Variants in HMBOX1 observed in about 807,000 individuals in gnomAD.
HMBOX1 encodes the protein homeobox containing 1.
Under a neutral mutation model 54.5 loss-of-function variants are expected in HMBOX1, and 14 were observed. The ratio of observed to expected loss-of-function variants is 0.26; its 90% CI spans 0.17 to 0.40. The LOEUF (loss-of-function observed/expected upper bound fraction) is 0.40. Ranked by LOEUF, HMBOX1 falls within the 10% of genes least tolerant of loss-of-function variation. The pLI, the probability that HMBOX1 is intolerant of heterozygous loss-of-function variation, is 1.00. For missense variants in HMBOX1, 332 were observed against 514.4 expected, an observed-to-expected ratio of 0.65 and a Z score of 3.43; for synonymous variants, 160 against 181.0, an observed-to-expected ratio of 0.88 and a Z score of 0.93.
intron 9 of HMBOX1, chr8:29,049,310 T>TGGG: frequency 6.5e-7 from 1 of 1,535,734 alleles, no homozygotes; most frequent in Non-Finnish European, 8.7e-7. Context: ...AAGTACGCAA[T>TGGG]GGGGAGGAGG....
In HMBOX1 at chr8:29,036,490, G is replaced by C. The variant is rs554222241; in HGVS notation, c.852-8871G>C. 2.7e-4 allele frequency among the ~76,000 whole-genome samples: 41 copies of C among 152,126 alleles called. No homozygotes were observed. The South Asian group carries it at 5.0e-3, about 18-fold the overall frequency. ...GTTTATTTAATTCTCCTCTACTCAG[G>C]AAAAAAGGAAGGTCAGTGTTATGGT... is the stretch of plus-strand genomic sequence containing the variant. On this transcript the variant is annotated intron_variant, in intron 6 of 9. Transcript: ENST00000287701.
At chr8:28,927,721 A>G (rs530137413) in intron 1 of HMBOX1, among the ~76,000 whole-genome samples, 1 of 151,154 alleles carries the variant, frequency 6.6e-6, no homozygotes, top group East Asian at 2.0e-4. Flanking sequence ...ATATGTACCC[A>G]CTGGAACAAC....
chr8:29,015,380 A>T (rs1164418511), intron 5 of HMBOX1, among the ~76,000 whole-genome samples: 2 of 152,168 alleles, frequency 1.3e-5, no homozygotes, highest in Non-Finnish European at 2.9e-5. Context: ...CAGCCCCTGG[A>T]CAAGAGGTTG....
chr8:28,923,744 C>A (rs1217279433), intron 1 of HMBOX1, among the ~76,000 whole-genome samples: 3 of 152,050 alleles, frequency 2.0e-5, no homozygotes, highest in Non-Finnish European at 2.9e-5. Context: ...AAGGGTACCA[C>A]TTTTTCACGT....
intron 3 of HMBOX1, 60 bp from the exon 4 acceptor site, chr8:28,980,011 C>A: frequency 7.9e-7 from 1 of 1,271,374 alleles, no homozygotes; most frequent in Non-Finnish European, 1.2e-6. Flanking sequence ...TTTCTTTTAG[C>A]AAAGATGAGG....
chr8:29,014,004 C>T (rs907398685), intron 5 of HMBOX1, among the ~76,000 whole-genome samples: 3 of 152,066 alleles, frequency 2.0e-5, no homozygotes, highest in East Asian at 1.9e-4. Context: ...CTCAGGGAAA[C>T]GTGTGTGACA....
chr8:29,044,216 A>G lies in HMBOX1; in HGVS notation c.852-1145A>G, dbSNP rs143020278. On this transcript the variant is annotated intron_variant, in intron 6 of 9. Coordinates refer to ENST00000287701, the MANE Select transcript of HMBOX1 (RefSeq NM_001135726.3). ...TCACAATAGGATGGCATTTCCACCA[A>G]TGCAGACAGGAGTGCTGAAGGCATA... Among the ~76,000 whole-genome samples, 505 of 152,318 alleles carry G rather than the reference A, an allele frequency of 3.3e-3. 1 individual carries two copies. Among genetic ancestry groups the G allele is most frequent in the African/African-American group, 0.011 (451 of 41,582 alleles).
At chr8:28,918,304 A>G (rs1159960319) in intron 1 of HMBOX1, among the ~76,000 whole-genome samples, 1 of 152,134 alleles carries the variant, frequency 6.6e-6, no homozygotes, top group Admixed American at 6.5e-5. Context: ...CCCAGGTTCA[A>G]GAGATTCTCC....
chr8:28,894,894 A>G (rs1255263815), intron 1 of HMBOX1, among the ~76,000 whole-genome samples: 4 of 151,994 alleles, frequency 2.6e-5, no homozygotes, highest in African/African-American at 9.7e-5. Flanking sequence ...TGTAATCTTA[A>G]TGCAATATTT....
chr8:28,930,280 C>A (rs914744454), intron 1 of HMBOX1, among the ~76,000 whole-genome samples: 1 of 152,098 alleles, frequency 6.6e-6, no homozygotes, highest in African/African-American at 2.4e-5. Flanking sequence ...TATCTCCTTC[C>A]CCAGTTATCA....
chr8:28,939,237 C>T (rs983329129), intron 1 of HMBOX1, among the ~76,000 whole-genome samples: 8 of 150,228 alleles, frequency 5.3e-5, no homozygotes, highest in Non-Finnish European at 1.2e-4. Context: ...TGCGGTGAGC[C>T]GAGATTGCAC....
In HMBOX1 at chr8:28,970,588, C is replaced by A. The variant is rs1563494866; in HGVS notation, c.500+69C>A. The A allele has an allele frequency of 4.1e-6, 4 of 984,834 alleles. No individual in the cohort carries two copies. Among genetic ancestry groups the A allele is most frequent in the Non-Finnish European group, 6.0e-6 (4 of 663,328 alleles). 61.0% of individuals were successfully genotyped at this position (984,834 alleles called of 1,614,324 possible). On this transcript the variant is annotated intron_variant, in intron 3 of 9. Transcript: ENST00000287701. This position sits in a 1 kb window ranked among gnomAD's most constrained non-coding sequence, Gnocchi z 4.3. The stretch of plus-strand genomic sequence containing the variant: ...TCTTAGATTGTTTTTAAGTAGTATG[C>A]TGCGTTTCAGCTACTTAGCTATAAG...
At chr8:29,009,707 C>A in intron 5 of HMBOX1, 1 of 1,287,296 alleles carries the variant, frequency 7.8e-7, no homozygotes, top group Non-Finnish European at 1.0e-6. Flanking sequence ...TGATGACTCC[C>A]AGGAGCAGCA....
At position 29,037,415 on chromosome 8, in the gene HMBOX1, A is replaced by G. The variant is rs796421005; in HGVS notation, c.852-7946A>G. Among the ~76,000 whole-genome samples, 35 of 152,318 alleles carry G rather than the reference A, an allele frequency of 2.3e-4. 1 individual carries two copies. Among genetic ancestry groups the G allele is most frequent in the African/African-American group, 7.9e-4 (33 of 41,574 alleles). The stretch of plus-strand genomic sequence containing the variant: ...AGACAGCAAACTTTATTTTCAAATA[A>G]TGCTTTTCCAAATTATAAAATTAGC... On this transcript the variant is annotated intron_variant, in intron 6 of 9. Transcript: ENST00000287701.
At chr8:28,994,266 C>G (rs560781780) in intron 4 of HMBOX1, among the ~76,000 whole-genome samples, 1 of 151,476 alleles carries the variant, frequency 6.6e-6, no homozygotes, top group Non-Finnish European at 1.5e-5. Context: ...GTAAGTAAAA[C>G]AGAGTCATTT....
At chr8:28,925,564 A>C (rs1475480385) in intron 1 of HMBOX1, among the ~76,000 whole-genome samples, 2 of 152,172 alleles carry the variant, frequency 1.3e-5, no homozygotes, top group African/African-American at 4.8e-5. Context: ...TGTTGTTTTT[A>C]GTAAAGCACT....
chr8:28,993,351 TTATC>T (rs1035051195), intron 4 of HMBOX1, among the ~76,000 whole-genome samples: 7 of 152,130 alleles, frequency 4.6e-5, no homozygotes, highest in South Asian at 2.1e-4. Context: ...ACTGTGTAAT[TTATC>T]TAGGAATTTA....
At position 29,051,786 on chromosome 8, in the gene HMBOX1, A is replaced by G; in HGVS notation, c.*631A>G. The G allele has an allele frequency of 1.8e-6, 1 of 561,532 alleles. No homozygotes were observed. 34.8% of individuals were successfully genotyped at this position (561,532 alleles called of 1,614,324 possible). A position where few individuals can be genotyped will look rare whatever the true frequency, so the allele number is the denominator to read the frequency against. Reference sequence around the variant, plus strand: ...ATCTCAGATTTTGTTTGAAGTTAACATGCCTGACACAGACATCCTTTCCTC... The same window carrying G: ...ATCTCAGATTTTGTTTGAAGTTAACGTGCCTGACACAGACATCCTTTCCTC... On this transcript the variant is annotated 3_prime_UTR_variant, in exon 10 of 10. Transcript: ENST00000287701.
intron 6 of HMBOX1, among the ~76,000 whole-genome samples, chr8:29,022,520 A>T (rs745892421): frequency 6.6e-6 from 1 of 152,194 alleles, no homozygotes; most frequent in African/African-American, 2.4e-5. Flanking sequence ...CTAAATGTCT[A>T]TTTGTAGTAA....
Sources: allele counts gnomAD v4.1 joint callset (sites outside exome capture counted in the v4.1 genomes callset), GRCh38; gene constraint gnomAD v4.1.1; non-coding constraint Gnocchi (gnomAD v3.1); transcripts MANE v1.5; gene names NCBI Gene and HGNC (gene_info 2026-07-23, HGNC 2026-07-21).